Variants in DPYD observed in about 807,000 individuals in gnomAD.
DPYD encodes dihydropyrimidine dehydrogenase [NADP(+)].
In DPYD, 109 loss-of-function variants were observed where a neutral mutation model predicts 116.2. The observed-to-expected ratio is 0.94, with a 90% CI of 0.80 to 1.10. The LOEUF (loss-of-function observed/expected upper bound fraction) is 1.10. DPYD is among the 50% of genes least tolerant of loss of function. The pLI is 0.00. For missense variants in DPYD, 1,302 were observed against 1,254.5 expected (o/e 1.04, Z -0.57); for synonymous variants, 440 against 432.0 (o/e 1.02, Z -0.23).
chr1:97,757,331 G>C (rs931893662), intron 3 of DPYD, among the ~76,000 whole-genome samples: 2 of 152,136 alleles, frequency 1.3e-5, no homozygotes, highest in African/African-American at 4.8e-5. Context: ...GCCAGGGTGA[G>C]GAGACAGTGG....
rs139288458 is a variant in DPYD at position 97,645,036 on chromosome 1, T to C, written c.850+34059A>G. Among the ~76,000 whole-genome samples the C allele has an allele frequency of 1.8e-4, 28 of 152,296 alleles. 1 individual carries two copies. The highest frequency in any genetic ancestry group is 6.7e-4 in the African/African-American group (28 of 41,572). ...CATCTTAGAGATATTTCCCCATCAG[T>C]ATTTAAAGATCTTTAATATTTTTAA... is the stretch of plus-strand genomic sequence containing the variant. On this transcript the variant is annotated intron_variant, in intron 8 of 22. Transcript: ENST00000370192.
At chr1:97,674,663 A>T (rs1285316592) in intron 8 of DPYD, among the ~76,000 whole-genome samples, 1 of 152,182 alleles carries the variant, frequency 6.6e-6, no homozygotes, top group South Asian at 2.1e-4. Context: ...AACTTTAAAA[A>T]AAAAAAAAGG....
chr1:97,291,537 A>G (rs12727629), intron 18 of DPYD, among the ~76,000 whole-genome samples: 2 of 152,166 alleles, frequency 1.3e-5, no homozygotes, highest in African/African-American at 4.8e-5. Flanking sequence ...GTCCTTTGTA[A>G]GGAAATGGAT....
Position 97,129,077 on chromosome 1 carries a change from T to TTC in DPYD, c.2623-30446_2623-30445insGA, listed in dbSNP as rs1553218680. On this transcript the variant is annotated intron_variant, in intron 20 of 22. Coordinates refer to ENST00000370192, the MANE Select transcript of DPYD (RefSeq NM_000110.4). The stretch of plus-strand genomic sequence containing the variant: ...AAAGGTCCTGCTGTATTCTTTTTTT[T>TTC]TTTTTTTTATGGAGTCTTGCTCTGT... 1.3e-4 allele frequency among the ~76,000 whole-genome samples: 19 copies of TTC among 151,550 alleles called. No individual in the cohort carries two copies. In the East Asian group the frequency reaches 1.6e-3, roughly 12 times the overall value.
rs672601282 is a variant in DPYD at position 97,515,911 on chromosome 1, G to A, written c.1555C>T (p.Pro519Ser). ...SQYGASVSAK[P>S]ELPLFYTPID... ...GGAGTGTAAAAGAGGGGTAGTTCAGGCTTGGCAGAAACGGAAGCTCCATAT... is the reference window on the plus strand; with the variant it reads ...GGAGTGTAAAAGAGGGGTAGTTCAGACTTGGCAGAAACGGAAGCTCCATAT... The change falls in exon 13 of 23, where the codon CCT becomes TCT. Residue 519 changes from proline to serine, a missense_variant. Physicochemically the swap from Pro to Ser is moderately conservative, Grantham distance 74. Transcript: ENST00000370192. 16 of 1,612,610 alleles carry A rather than the reference G, an allele frequency of 9.9e-6. No individual in the cohort carries two copies. The Middle Eastern group carries it at 4.9e-4, about 50-fold the overall frequency.
intron 18 of DPYD, among the ~76,000 whole-genome samples, chr1:97,262,208 G>C (rs770699962): frequency 4.6e-5 from 7 of 151,940 alleles, no homozygotes; most frequent in Non-Finnish European, 8.8e-5. Flanking sequence ...TTTGACTGTA[G>C]GTATATCCAT....
intron 20 of DPYD, among the ~76,000 whole-genome samples, chr1:97,108,611 TA>T (rs1455644895): frequency 6.6e-5 from 10 of 152,140 alleles, no homozygotes; most frequent in Admixed American, 5.9e-4. Context: ...AAGGTAAAAC[TA>T]AAGATATTGT....
chr1:97,747,569 A>G (rs1664627362), intron 3 of DPYD, among the ~76,000 whole-genome samples: 1 of 152,190 alleles, frequency 6.6e-6, no homozygotes, highest in Non-Finnish European at 1.5e-5. Context: ...TAAGCCATGT[A>G]CCTAGGACAG....
intron 3 of DPYD, among the ~76,000 whole-genome samples, chr1:97,810,177 C>T (rs1398944434): frequency 6.7e-6 from 1 of 148,588 alleles, no homozygotes; most frequent in Non-Finnish European, 1.5e-5. Flanking sequence ...GTCCCAGCTA[C>T]TTGGGAGGCT....
At chr1:97,191,540 T>A (rs553325035) in intron 20 of DPYD, among the ~76,000 whole-genome samples, 1 of 152,316 alleles carries the variant, frequency 6.6e-6, no homozygotes, top group Admixed American at 6.5e-5. Flanking sequence ...TGATTCAAAC[T>A]ATTACCAAAT....
chr1:97,491,568 C>T (rs890973267), intron 13 of DPYD, among the ~76,000 whole-genome samples: 3 of 152,088 alleles, frequency 2.0e-5, no homozygotes, highest in Admixed American at 2.0e-4. Flanking sequence ...AGCACTGGCT[C>T]TGCAATTATA....
chr1:97,284,219 T>C (rs1432428840), intron 18 of DPYD, among the ~76,000 whole-genome samples: 1 of 152,152 alleles, frequency 6.6e-6, no homozygotes, highest in Non-Finnish European at 1.5e-5. Context: ...GTTCATGGTA[T>C]ATATCTTTGT....
At chr1:97,911,560 AC>A (rs1162642290) in intron 1 of DPYD, among the ~76,000 whole-genome samples, 4 of 151,874 alleles carry the variant, frequency 2.6e-5, no homozygotes, top group African/African-American at 9.7e-5. Flanking sequence ...ACACTCACGG[AC>A]CCTTTCTTCT....
rs200250105 is a variant in DPYD, at chr1:97,813,476, G to GA, written c.233+14637dup. On this transcript the variant is annotated intron_variant, in intron 3 of 22. Coordinates refer to ENST00000370192, the MANE Select transcript of DPYD (RefSeq NM_000110.4). ...ATCATTTTTCTTTCCCCATCTAAAA[G>GA]AAAAAAAAGAATTACTCTAAACTCT... Among the ~76,000 whole-genome samples, 522 of 151,316 alleles carry GA rather than the reference G, an allele frequency of 3.4e-3. 1 individual carries two copies. The highest frequency in any genetic ancestry group is 0.012 in the African/African-American group (500 of 41,288).
intron 1 of DPYD, among the ~76,000 whole-genome samples, chr1:97,884,435 G>A (rs1672384340): frequency 6.6e-6 from 1 of 152,072 alleles, no homozygotes; most frequent in Non-Finnish European, 1.5e-5. Context: ...GTGTATTTCA[G>A]TAGGTGAAGA....
At chr1:97,619,915 T>C (rs1230139079) in intron 8 of DPYD, among the ~76,000 whole-genome samples, 1 of 152,162 alleles carries the variant, frequency 6.6e-6, no homozygotes, top group African/African-American at 2.4e-5. Flanking sequence ...TTAAATCAAA[T>C]TCAAACATCT....
intron 16 of DPYD, among the ~76,000 whole-genome samples, chr1:97,372,654 C>T (rs1671364301): frequency 6.6e-6 from 1 of 151,898 alleles, no homozygotes; most frequent in African/African-American, 2.4e-5. Flanking sequence ...ACAAAGATAG[C>T]AATCTATGTT....
chr1:97,919,579 T>C (rs1034376411), intron 1 of DPYD, among the ~76,000 whole-genome samples: 1 of 152,178 alleles, frequency 6.6e-6, no homozygotes, highest in African/African-American at 2.4e-5. Flanking sequence ...TTCGACTTAG[T>C]AAATAAAATT....
At chr1:97,251,644 C>T (rs77987628) in intron 18 of DPYD, among the ~76,000 whole-genome samples, 10,233 of 152,062 alleles carry the variant, frequency 0.067, 417 homozygotes, top group Middle Eastern at 0.16. Flanking sequence ...TAAGCACGTA[C>T]ACACAAACAT....
Sources: allele counts gnomAD v4.1 joint callset (sites outside exome capture counted in the v4.1 genomes callset), GRCh38; gene constraint gnomAD v4.1.1; transcripts MANE v1.5; gene names NCBI Gene and HGNC (gene_info 2026-07-23, HGNC 2026-07-21).